Variants in SLC2A13 observed in about 807,000 individuals in gnomAD.
The protein encoded by SLC2A13 is solute carrier family 2 member 13, also known as proton myo-inositol cotransporter.
A neutral mutation model predicts 64.4 loss-of-function variants in SLC2A13; 32 were observed. That is an observed-to-expected ratio of 0.50 (90% CI 0.37 to 0.67). The LOEUF (loss-of-function observed/expected upper bound fraction) is 0.67, where lower values mean the gene tolerates loss of function less well. Ranked by LOEUF, SLC2A13 falls within the 30% of genes least tolerant of loss-of-function variation. The probability of loss-of-function intolerance (pLI) is 0.00; values close to 1 mark genes in which losing one functional copy is unlikely to be tolerated. For missense variants in SLC2A13, 743 were observed against 829.2 expected, an observed-to-expected ratio of 0.90 and a Z score of 1.28; for synonymous variants, 338 against 327.1, an observed-to-expected ratio of 1.03 and a Z score of -0.36.
intron 3 of SLC2A13, among the ~76,000 whole-genome samples, chr12:39,986,316 A>T (rs551834733): frequency 6.6e-6 from 1 of 152,164 alleles, no homozygotes; most frequent in South Asian, 2.1e-4. Flanking sequence ...CAAAGCATAC[A>T]CATATTCTGG....
Position 39,923,721 on chromosome 12 carries a change from CACAT to C in SLC2A13, c.1034+27532_1034+27535del, listed in dbSNP as rs1456981761. Among the ~76,000 whole-genome samples the C allele has an allele frequency of 6.6e-3, 1,007 of 151,492 alleles. 24 individuals are homozygous for C. Among genetic ancestry groups the C allele is most frequent in the African/African-American group, 0.023 (954 of 41,330 alleles). ...GCACACACACACACACACACACACA[CACAT>C]ATATTTTAACACGATAAAAAATTTT... is the stretch of plus-strand genomic sequence containing the variant. On this transcript the variant is annotated intron_variant, in intron 4 of 9. Transcript: ENST00000280871.
chr12:40,018,437 C>T (rs1947656267), intron 3 of SLC2A13, among the ~76,000 whole-genome samples: 1 of 152,194 alleles, frequency 6.6e-6, no homozygotes, highest in Admixed American at 6.5e-5. Flanking sequence ...GATCACCATT[C>T]TACTTTCTCA....
chr12:40,006,841 C>A (rs1827486190), intron 3 of SLC2A13, among the ~76,000 whole-genome samples: 1 of 152,196 alleles, frequency 6.6e-6, no homozygotes. Context: ...ATACACATAA[C>A]AAATTCATAC....
intron 3 of SLC2A13, among the ~76,000 whole-genome samples, chr12:39,980,372 G>A (rs1054455933): frequency 3.3e-5 from 5 of 152,004 alleles, no homozygotes; most frequent in Non-Finnish European, 5.9e-5. Context: ...AAAAGACACA[G>A]ACTGGCAAGT....
intron 7 of SLC2A13, among the ~76,000 whole-genome samples, chr12:39,826,112 T>G (rs1942667196): frequency 6.6e-6 from 1 of 152,138 alleles, no homozygotes. Flanking sequence ...TATATAAGCT[T>G]ACTGAATTTA....
chr12:39,812,337 T>TTTTTCTTTTCTTTTC (rs151097142), intron 7 of SLC2A13, among the ~76,000 whole-genome samples: 7,386 of 135,034 alleles, frequency 0.055, 297 homozygotes, highest in South Asian at 0.066. Context: ...ACTAATTTCT[T>TTTTTCTTTTCTTTTC]TTTTCTTTTC....
intron 7 of SLC2A13, among the ~76,000 whole-genome samples, chr12:39,784,260 T>C (rs1257866808): frequency 6.6e-6 from 1 of 152,200 alleles, no homozygotes; most frequent in Non-Finnish European, 1.5e-5. Context: ...AGAGCCCGCA[T>C]TGCCAAGTCA....
intron 9 of SLC2A13, 92 bp from the exon 10 acceptor site, chr12:39,760,344 T>C: frequency 2.6e-6 from 3 of 1,176,252 alleles, no homozygotes; most frequent in Non-Finnish European, 3.6e-6. Flanking sequence ...TTTTTTCTGG[T>C]CAGTCATGCA....
At chr12:39,935,523 A>C (rs1332820675) in intron 4 of SLC2A13, among the ~76,000 whole-genome samples, 1 of 152,230 alleles carries the variant, frequency 6.6e-6, no homozygotes, top group Non-Finnish European at 1.5e-5. Flanking sequence ...AGTCAGTAGT[A>C]ACTAAAATCT....
chr12:40,064,698 A>T (rs1004578601), intron 1 of SLC2A13, among the ~76,000 whole-genome samples: 3 of 152,170 alleles, frequency 2.0e-5, no homozygotes, highest in African/African-American at 7.2e-5. Context: ...TTTCATCAAA[A>T]TTGTTACTGT....
chr12:39,769,642 T>G (rs1940488882), intron 7 of SLC2A13, among the ~76,000 whole-genome samples: 1 of 152,036 alleles, frequency 6.6e-6, no homozygotes, highest in South Asian at 2.1e-4. Flanking sequence ...TTCTCCTGCC[T>G]CCTCTGGGGT....
intron 4 of SLC2A13, among the ~76,000 whole-genome samples, chr12:39,941,220 C>T (rs770416230): frequency 4.6e-5 from 7 of 151,948 alleles, no homozygotes; most frequent in Non-Finnish European, 1.0e-4. Flanking sequence ...GTGAATTGTG[C>T]TGCTATAAAC....
intron 3 of SLC2A13, among the ~76,000 whole-genome samples, chr12:39,957,277 G>A (rs764588025): frequency 7.9e-5 from 12 of 152,196 alleles, no homozygotes; most frequent in East Asian, 5.8e-4. Flanking sequence ...TGTTTAGAGA[G>A]AGAACTTGGG....
intron 1 of SLC2A13, among the ~76,000 whole-genome samples, chr12:40,074,244 C>G (rs1938079482): frequency 6.6e-6 from 1 of 150,860 alleles, no homozygotes; most frequent in Admixed American, 6.6e-5. Context: ...CAGCTCACAG[C>G]AGACTCCAAA....
intron 3 of SLC2A13, among the ~76,000 whole-genome samples, chr12:40,003,907 C>G (rs564778858): frequency 2.0e-5 from 3 of 151,712 alleles, no homozygotes; most frequent in Non-Finnish European, 4.4e-5. Flanking sequence ...GAAGGAGAAT[C>G]GCTAGAACCC....
intron 2 of SLC2A13, among the ~76,000 whole-genome samples, chr12:40,043,811 C>A (rs1283691198): frequency 6.6e-6 from 1 of 152,040 alleles, no homozygotes; most frequent in East Asian, 1.9e-4. Flanking sequence ...ACTTCACACC[C>A]ACTAGGATGA....
intron 4 of SLC2A13, among the ~76,000 whole-genome samples, chr12:39,905,984 T>C (rs1056129755): frequency 2.0e-5 from 3 of 151,904 alleles, no homozygotes; most frequent in Non-Finnish European, 2.9e-5. Flanking sequence ...TGTTTCCCTA[T>C]TGAAATATAA....
intron 6 of SLC2A13, among the ~76,000 whole-genome samples, chr12:39,844,574 A>G (rs899052131): frequency 3.9e-5 from 6 of 152,062 alleles, no homozygotes; most frequent in Non-Finnish European, 8.8e-5. Flanking sequence ...AATATAAATA[A>G]TTAATCAAGA....
At chr12:39,797,750 A>G (rs929346741) in intron 7 of SLC2A13, among the ~76,000 whole-genome samples, 28 of 151,898 alleles carry the variant, frequency 1.8e-4, no homozygotes, top group African/African-American at 5.3e-4. Context: ...ACACACACAC[A>G]CACACACACA....
Sources: allele counts gnomAD v4.1 joint callset (sites outside exome capture counted in the v4.1 genomes callset), GRCh38; gene constraint gnomAD v4.1.1; transcripts MANE v1.5; gene names NCBI Gene and HGNC (gene_info 2026-07-23, HGNC 2026-07-21).